PRKN: variants seen among roughly 807,000 people sequenced by gnomAD.
PRKN encodes parkin RBR E3 ubiquitin protein ligase.
In PRKN, 56 loss-of-function variants were observed where a neutral mutation model predicts 59.5. That is an observed-to-expected ratio of 0.94 (90% CI 0.76 to 1.18). The LOEUF (loss-of-function observed/expected upper bound fraction) is 1.18, where lower values mean the gene tolerates loss of function less well. PRKN is among the 50% of genes most tolerant of loss of function. PRKN has a pLI of 0.00. For synonymous variants in PRKN, 250 were observed against 222.1 expected, an observed-to-expected ratio of 1.13 and a Z score of -1.12; for missense variants, 657 against 596.4, an observed-to-expected ratio of 1.10 and a Z score of -1.06.
At chr6:161,991,427 A>G (rs113116838) in intron 5 of PRKN, among the ~76,000 whole-genome samples, 3 of 152,338 alleles carry the variant, frequency 2.0e-5, no homozygotes, top group South Asian at 2.1e-4. Context: ...GCATATGCGA[A>G]ACAACCAGAA....
intron 6 of PRKN, among the ~76,000 whole-genome samples, chr6:161,870,744 T>C (rs1029338553): frequency 1.3e-5 from 2 of 152,170 alleles, no homozygotes; most frequent in Admixed American, 1.3e-4. Context: ...ACTGACCATA[T>C]ATTATGTGCC....
At chr6:161,638,196 G>A (rs1291200109) in intron 7 of PRKN, among the ~76,000 whole-genome samples, 1 of 151,616 alleles carries the variant, frequency 6.6e-6, no homozygotes, top group East Asian at 1.9e-4. Context: ...GCAGTGGCAC[G>A]ATCTCAGCTC....
Position 161,983,917 on chromosome 6 carries a change from A to T in PRKN, c.619-10500T>A, listed in dbSNP as rs188227122. ...AACTTAGAGTATAATAAAAAAAAAA[A>T]AAATAAAATAAAAGGTTTGCAGTCA... On this transcript the variant is annotated intron_variant, in intron 5 of 11. Coordinates refer to ENST00000366898, the MANE Select transcript of PRKN (RefSeq NM_004562.3). Among the ~76,000 whole-genome samples, 214 of 151,788 alleles carry T rather than the reference A, an allele frequency of 1.4e-3. 12 individuals are homozygous for T. The highest frequency in any genetic ancestry group is 2.4e-3 in the Non-Finnish European group (163 of 67,920).
intron 1 of PRKN, among the ~76,000 whole-genome samples, chr6:162,622,304 T>TG (rs1491191148): frequency 1.7e-4 from 13 of 76,266 alleles, no homozygotes; most frequent in African/African-American, 2.1e-4. Context: ...TTTTTTTTTG[T>TG]TTTGTTTTTT....
intron 2 of PRKN, among the ~76,000 whole-genome samples, chr6:162,428,973 TA>T (rs1789375822): frequency 1.3e-5 from 2 of 152,228 alleles, no homozygotes; most frequent in Non-Finnish European, 2.9e-5. Context: ...AAGCTTTTCC[TA>T]AATTTCCAAT....
chr6:161,900,891 A>T (rs1777887976), intron 6 of PRKN, among the ~76,000 whole-genome samples: 1 of 136,342 alleles, frequency 7.3e-6, no homozygotes. Context: ...TATATATTAT[A>T]TATAACACAT....
At chr6:161,708,215 T>C (rs1786589660) in intron 7 of PRKN, among the ~76,000 whole-genome samples, 1 of 152,150 alleles carries the variant, frequency 6.6e-6, no homozygotes, top group Non-Finnish European at 1.5e-5. Context: ...ACTATGTTTT[T>C]AGAAGCTTGT....
chr6:161,913,218 T>C (rs1375217468), intron 6 of PRKN, among the ~76,000 whole-genome samples: 2 of 135,284 alleles, frequency 1.5e-5, no homozygotes, highest in African/African-American at 2.7e-5. Context: ...AATGTGGCAA[T>C]AGATAGCTGG....
At chr6:161,367,537 G>A (rs1416531957) in intron 10 of PRKN, among the ~76,000 whole-genome samples, 1 of 151,542 alleles carries the variant, frequency 6.6e-6, no homozygotes, top group Non-Finnish European at 1.5e-5. Flanking sequence ...CATAGGGCAT[G>A]AAGCAGTTCT....
chr6:162,190,841 G>A (rs1298472396), intron 4 of PRKN, among the ~76,000 whole-genome samples: 1 of 152,158 alleles, frequency 6.6e-6, no homozygotes, highest in African/African-American at 2.4e-5. Context: ...AGATTTTTGA[G>A]CCATTCGCTT....
intron 2 of PRKN, among the ~76,000 whole-genome samples, chr6:162,298,384 C>T (rs11961721): frequency 0.039 from 5,878 of 152,118 alleles, 190 homozygotes; most frequent in African/African-American, 0.082. Context: ...GTAACAGCTT[C>T]GCACCATGAA....
At chr6:162,199,648 C>T (rs1334883926) in intron 4 of PRKN, among the ~76,000 whole-genome samples, 1 of 152,138 alleles carries the variant, frequency 6.6e-6, no homozygotes, top group African/African-American at 2.4e-5. Flanking sequence ...TGCTGCCCGG[C>T]AGGAGAGCTG....
At chr6:162,248,451 C>T (rs138843646) in intron 3 of PRKN, among the ~76,000 whole-genome samples, 76 of 152,182 alleles carry the variant, frequency 5.0e-4, no homozygotes, top group Non-Finnish European at 9.1e-4. Context: ...CTGATGCTTG[C>T]CTGAGAACTG....
chr6:162,371,460 T>C (rs1412332249), intron 2 of PRKN, among the ~76,000 whole-genome samples: 7 of 152,158 alleles, frequency 4.6e-5, no homozygotes, highest in Non-Finnish European at 8.8e-5. Flanking sequence ...AACATCAGAC[T>C]TTCAAACCCG....
chr6:162,610,808 A>T (rs1158275953), intron 1 of PRKN, among the ~76,000 whole-genome samples: 3 of 152,224 alleles, frequency 2.0e-5, no homozygotes, highest in Non-Finnish European at 4.4e-5. Context: ...TATAGCAGGA[A>T]TCCTTAATTC....
At chr6:162,217,920 T>C (rs1297400157) in intron 3 of PRKN, among the ~76,000 whole-genome samples, 1 of 152,098 alleles carries the variant, frequency 6.6e-6, no homozygotes, top group Non-Finnish European at 1.5e-5. Flanking sequence ...GACTTCTAAG[T>C]AGGAGGTGAG....
chr6:161,978,975 G>A (rs926205984), intron 5 of PRKN, among the ~76,000 whole-genome samples: 3 of 152,030 alleles, frequency 2.0e-5, no homozygotes, highest in Non-Finnish European at 2.9e-5. Flanking sequence ...GTCTCAGAGC[G>A]GCCCACCCCA....
intron 1 of PRKN, among the ~76,000 whole-genome samples, chr6:162,550,682 T>G (rs1237246363): frequency 6.6e-6 from 1 of 152,290 alleles, no homozygotes; most frequent in African/African-American, 2.4e-5. Flanking sequence ...TAAGCATATG[T>G]TAGGTTTTAA....
At chr6:161,996,801 T>A (rs1781862615) in intron 5 of PRKN, among the ~76,000 whole-genome samples, 1 of 152,042 alleles carries the variant, frequency 6.6e-6, no homozygotes, top group Admixed American at 6.6e-5. Flanking sequence ...ACAGGAGAAG[T>A]TTATGATTAA....
Sources: gnomAD v4.1 joint callset for allele counts (sites outside exome capture counted in the v4.1 genomes callset) on GRCh38, gnomAD v4.1.1 for gene constraint, MANE v1.5 for transcripts, NCBI Gene and HGNC (gene_info 2026-07-23, HGNC 2026-07-21) for gene names.